The following APC variants were observed in gnomAD, a reference collection of about 807,000 sequenced individuals.
APC encodes the protein adenomatous polyposis coli protein.
A neutral mutation model predicts 247.0 loss-of-function variants in APC; 72 were observed. The ratio of observed to expected loss-of-function variants is 0.29; its 90% CI spans 0.24 to 0.35. The LOEUF is 0.35. Among genes scored for constraint, APC ranks in the 10% least tolerant of loss-of-function variants. The pLI, the probability that APC is intolerant of heterozygous loss-of-function variation, is 1.00. For synonymous variants in APC, 1,254 were observed against 1,162.5 expected, an observed-to-expected ratio of 1.08 and a Z score of -1.60; for missense variants, 3,400 against 3,360.7, an observed-to-expected ratio of 1.01 and a Z score of -0.29.
chr5:112,836,009 C>CTTTTTTTT (rs371484714), intron 15 of APC, among the ~76,000 whole-genome samples: 1 of 106,340 alleles, frequency 9.4e-6, no homozygotes. Context: ...ATACAACTGT[C>CTTTTTTTT]TTTTTTTTTT....
intron 2 of APC, 139 bp from the exon 3 acceptor site, chr5:112,766,187 A>T: frequency 1.7e-6 from 1 of 600,296 alleles, no homozygotes; most frequent in African/African-American, 1.9e-5. Flanking sequence ...AATAATGAAT[A>T]ATAGGTAATA....
In APC at chr5:112,840,692, G is replaced by T. The variant is rs1311394468; in HGVS notation, c.5098G>T (p.Ala1700Ser). Residue 1700 changes from alanine (A) to serine (S), a missense_variant, in exon 16 of 16, where the codon GCT becomes TCT. Ala to Ser is a moderately conservative substitution (Grantham distance 99, BLOSUM62 1). Coordinates refer to ENST00000257430, the MANE Select transcript of APC (RefSeq NM_000038.6). The surrounding 1 kb of genome is among the most constrained non-coding windows in gnomAD (Gnocchi z 4.1). ...IPTEGRSTDE[A>S]QGGKTSSVTI... The stretch of plus-strand genomic sequence containing the variant: ...TACAGAAGGCAGAAGTACAGATGAG[G>T]CTCAAGGAGGAAAAACCTCATCTGT... 4 of 1,614,058 alleles carry T rather than the reference G, an allele frequency of 2.5e-6. No homozygotes were observed. Among genetic ancestry groups the T allele is most frequent in the Non-Finnish European group, 1.7e-6 (2 of 1,179,982 alleles).
Position 112,819,041 on chromosome 5 carries a change from A to G in APC, c.1009A>G (p.Met337Val), listed in dbSNP as rs1438780449. The G allele has an allele frequency of 6.2e-6, 10 of 1,613,870 alleles. No homozygotes were observed. The highest frequency in any genetic ancestry group is 1.1e-5 in the South Asian group (1 of 91,074). ...KDDMSRTLLA[M>V]SSSQDSCISM... ...TGATATGTCGCGAACTTTGCTAGCT[A>G]TGTCTAGCTCCCAAGACAGCTGTAT... The change falls in exon 10 of 16, where the codon ATG becomes GTG. Residue 337 changes from methionine to valine, a missense_variant. Met to Val is a conservative substitution (Grantham distance 21). Around this residue, in one of 9 missense-constraint regions of APC, gnomAD observed 199 missense variants for 212.5 expected, o/e 0.94. Transcript: ENST00000257430.
Position 112,835,063 on chromosome 5 carries a change from C to A in APC, c.1856C>A (p.Thr619Asn), listed in dbSNP as rs1197473008. The change falls in exon 15 of 16, where the codon ACT (threonine) becomes AAT (asparagine). Residue 619 changes from threonine to asparagine, a missense_variant. This residue lies in a region of APC where 184 missense variants were observed against 248.0 expected (regional missense o/e 0.74). Coordinates refer to ENST00000257430, the MANE Select transcript of APC (RefSeq NM_000038.6). ...VDGALAFLVG[T>N]LTYRSQTNTL... ...GGTGCACTTGCATTTTTGGTTGGCA[C>A]TCTTACTTACCGGAGCCAGACAAAC... The A allele has an allele frequency of 3.1e-6, 5 of 1,614,000 alleles. No homozygotes were observed. Among genetic ancestry groups the A allele is most frequent in the Non-Finnish European group, 4.2e-6 (5 of 1,180,018 alleles).
At chr5:112,808,305 C>T (rs1482829306) in intron 8 of APC, among the ~76,000 whole-genome samples, 1 of 152,130 alleles carries the variant, frequency 6.6e-6, no homozygotes. Flanking sequence ...GTTTATTTGC[C>T]TCAGGGTCCA....
intron 7 of APC, among the ~76,000 whole-genome samples, chr5:112,793,486 T>TA (rs1448967565): frequency 1.1e-5 from 1 of 87,862 alleles, no homozygotes; most frequent in African/African-American, 3.8e-5. Context: ...AAAAAAAACT[T>TA]AAAGAGACTT....
rs1766798385 is a variant in APC at position 112,844,319 on chromosome 5, T to C, written c.*193T>C. On this transcript the variant is annotated 3_prime_UTR_variant, in exon 16 of 16. Transcript: ENST00000257430. ...ACTGGTCTTATTTTGGGAGGCACTC[T>C]TGATGGTTAGGAAAAAAATAGTAAA... is the stretch of plus-strand genomic sequence containing the variant. 3.3e-6 allele frequency: 2 copies of C among 599,358 alleles called. No individual in the cohort carries two copies. Among genetic ancestry groups the C allele is most frequent in the Non-Finnish European group, 5.7e-6 (2 of 348,908 alleles). 37.1% of individuals were successfully genotyped at this position (599,358 alleles called of 1,614,324 possible).
intron 12 of APC, 91 bp downstream of exon 12, chr5:112,827,338 T>G: frequency 1.5e-6 from 2 of 1,373,990 alleles, no homozygotes; most frequent in Non-Finnish European, 1.0e-6. Context: ...TTCTTTTTTT[T>G]CACTCTCCTC....
chr5:112,790,450 C>T (rs1005706195), intron 6 of APC, among the ~76,000 whole-genome samples: 1 of 151,958 alleles, frequency 6.6e-6, no homozygotes, highest in South Asian at 2.1e-4. Flanking sequence ...CTTAGCCTCC[C>T]GAGTAGCTGG....
At position 112,838,606 on chromosome 5, in the gene APC, A is replaced by T. The variant is rs767851390; in HGVS notation, c.3012A>T (p.Leu1004=). 3.7e-6 allele frequency: 6 copies of T among 1,614,190 alleles called. No homozygotes were observed. The South Asian group carries it at 6.6e-5, about 18-fold the overall frequency. Residue 1004 remains leucine (L), a synonymous_variant, in exon 16 of 16, where the codon CTA becomes CTT. Transcript: ENST00000257430. The part of the protein sequence containing the change: ...FCSYGQYPAD[L]AHKIHSANHM... ...GTTATGGTCAATACCCAGCCGACCT[A>T]GCCCATAAAATACATAGTGCAAATC...
intron 1 of APC, among the ~76,000 whole-genome samples, chr5:112,731,915 C>T (rs184391470): frequency 8.5e-4 from 129 of 152,286 alleles, no homozygotes; most frequent in African/African-American, 3.0e-3. Flanking sequence ...GCATGTGCCA[C>T]CTCGCCTGGC....
rs1434255816 is a variant in APC, at chr5:112,792,428, T to C, written c.646-18T>C. ...ATTAATAAAAACATAACTAATTAGG[T>C]TTCTTGTTTTATTTTAGCGAAGAAT... On this transcript the variant is annotated intron_variant, in intron 6 of 15. Transcript: ENST00000257430. 6.4e-6 allele frequency: 10 copies of C among 1,567,554 alleles called. No individual in the cohort carries two copies. The Middle Eastern group carries it at 1.0e-3, about 164-fold the overall frequency.
chr5:112,784,957 G>A (rs1758782704), intron 6 of APC, among the ~76,000 whole-genome samples: 1 of 152,074 alleles, frequency 6.6e-6, no homozygotes, highest in African/African-American at 2.4e-5. Flanking sequence ...GCTGCCTTAA[G>A]GAATGCTGAG....
chr5:112,788,221 G>C (rs1759190449), intron 6 of APC, among the ~76,000 whole-genome samples: 1 of 152,080 alleles, frequency 6.6e-6, no homozygotes, highest in African/African-American at 2.4e-5. Flanking sequence ...ATCCAGTTGG[G>C]TGAATCGTTC....
intron 1 of APC, among the ~76,000 whole-genome samples, chr5:112,748,025 A>C (rs1317351392): frequency 3.9e-5 from 6 of 152,216 alleles, no homozygotes; most frequent in African/African-American, 1.4e-4. Context: ...TACAAAGTCA[A>C]GTAGTTGCAA....
At chr5:112,755,156 C>T in intron 2 of APC, 131 bp downstream of exon 2, 1 of 1,264,698 alleles carries the variant, frequency 7.9e-7, no homozygotes, top group Non-Finnish European at 1.1e-6. Flanking sequence ...CTCTTTCTTG[C>T]AAAAGTTAGC....
intron 8 of APC, among the ~76,000 whole-genome samples, chr5:112,804,830 CA>C (rs912574783): frequency 2.0e-5 from 3 of 149,168 alleles, no homozygotes; most frequent in African/African-American, 7.4e-5. Context: ...TTTGCCTCTG[CA>C]AAAAAAAATA....
chr5:112,815,839 G>A (rs1444797578), intron 9 of APC, among the ~76,000 whole-genome samples: 1 of 152,178 alleles, frequency 6.6e-6, no homozygotes, highest in Non-Finnish European at 1.5e-5. Context: ...AGGAGGCTGA[G>A]GCATGAGAAT....
Position 112,838,865 on chromosome 5 carries a change from C to A in APC, c.3271C>A (p.Pro1091Thr), listed in dbSNP as rs950606475. ...STDDKHLKFQ[P>T]HFGQQECVSP... ...TGATGATAAACACCTCAAGTTCCAA[C>A]CACATTTTGGACAGCAGGAATGTGT... The change falls in exon 16 of 16, where the codon CCA (proline) becomes ACA (threonine). Residue 1091 changes from proline to threonine, a missense_variant. Transcript: ENST00000257430. The A allele has an allele frequency of 6.2e-7, 1 of 1,614,130 alleles. No individual in the cohort carries two copies. Among genetic ancestry groups the A allele is most frequent in the Non-Finnish European group, 8.5e-7 (1 of 1,180,022 alleles).
Sources: allele counts gnomAD v4.1 joint callset (sites outside exome capture counted in the v4.1 genomes callset), GRCh38; gene constraint gnomAD v4.1.1; regional missense constraint gnomAD v4.1.1; non-coding constraint Gnocchi (gnomAD v3.1); transcripts MANE v1.5; gene names NCBI Gene and HGNC (gene_info 2026-07-23, HGNC 2026-07-21).